The following NLGN1 variants were observed in gnomAD, a reference collection of about 807,000 sequenced individuals.
NLGN1 encodes neuroligin-1.
A neutral mutation model predicts 65.5 loss-of-function variants in NLGN1; 12 were observed. That is an observed-to-expected ratio of 0.18 (90% CI 0.12 to 0.30). The LOEUF (loss-of-function observed/expected upper bound fraction) is 0.30. Ranked by LOEUF, NLGN1 falls within the 10% of genes least tolerant of loss-of-function variation. The probability of loss-of-function intolerance (pLI) is 1.00; values close to 1 mark genes in which losing one functional copy is unlikely to be tolerated. For synonymous variants in NLGN1, 350 were observed against 359.5 expected (o/e 0.97, Z 0.30); for missense variants, 750 against 1,007.1 (o/e 0.74, Z 3.46).
chr3:173,423,552 G>A (rs1715526119), intron 1 of NLGN1, among the ~76,000 whole-genome samples: 1 of 152,082 alleles, frequency 6.6e-6, no homozygotes, highest in Admixed American at 6.6e-5. Context: ...AAAAAAAAGG[G>A]GACATAGGCC....
At chr3:174,141,002 A>C (rs1577067313) in intron 4 of NLGN1, among the ~76,000 whole-genome samples, 1 of 152,146 alleles carries the variant, frequency 6.6e-6, no homozygotes, top group Admixed American at 6.6e-5. Context: ...AAAGCCAAAT[A>C]GTGCAATTTC....
At chr3:174,188,878 G>A (rs1731883450) in intron 4 of NLGN1, among the ~76,000 whole-genome samples, 2 of 151,938 alleles carry the variant, frequency 1.3e-5, no homozygotes, top group African/African-American at 4.8e-5. Context: ...TATTTAAGAG[G>A]CAACAGGGTC....
chr3:173,964,132 T>G (rs1185484827), intron 4 of NLGN1, among the ~76,000 whole-genome samples: 1 of 152,038 alleles, frequency 6.6e-6, no homozygotes. Flanking sequence ...ACATCCTATG[T>G]GTGGAGAGAG....
chr3:173,706,344 A>C (rs1255658522), intron 3 of NLGN1, among the ~76,000 whole-genome samples: 1 of 152,264 alleles, frequency 6.6e-6, no homozygotes, highest in Admixed American at 6.5e-5. Context: ...AAAAATAATT[A>C]TGCATGATTA....
At chr3:174,083,779 A>T (rs1450465475) in intron 4 of NLGN1, among the ~76,000 whole-genome samples, 2 of 152,074 alleles carry the variant, frequency 1.3e-5, no homozygotes, top group African/African-American at 2.4e-5. Context: ...TTCCCTTATA[A>T]CCACAGCAAA....
intron 3 of NLGN1, among the ~76,000 whole-genome samples, chr3:173,768,712 A>C (rs1202304208): frequency 6.6e-6 from 1 of 152,190 alleles, no homozygotes; most frequent in Admixed American, 6.5e-5. Flanking sequence ...ATAAGTGTGA[A>C]GTTCCTAACG....
intron 4 of NLGN1, among the ~76,000 whole-genome samples, chr3:174,274,350 T>G (rs1211137235): frequency 1.3e-5 from 2 of 151,902 alleles, no homozygotes; most frequent in Non-Finnish European, 2.9e-5. Context: ...GTGAATATGT[T>G]TAAGATATTG....
intron 2 of NLGN1, among the ~76,000 whole-genome samples, chr3:173,585,404 G>A (rs1747223617): frequency 6.6e-6 from 1 of 152,114 alleles, no homozygotes; most frequent in Admixed American, 6.5e-5. Flanking sequence ...TGCTTCGGCC[G>A]CCGTTTCTGC....
intron 2 of NLGN1, among the ~76,000 whole-genome samples, chr3:173,526,439 T>C (rs935969878): frequency 1.3e-5 from 2 of 152,088 alleles, no homozygotes; most frequent in Non-Finnish European, 2.9e-5. Context: ...TCTTTTTCTA[T>C]CCCTTTGTAT....
At chr3:173,977,026 G>T (rs1717614908) in intron 4 of NLGN1, among the ~76,000 whole-genome samples, 1 of 151,918 alleles carries the variant, frequency 6.6e-6, no homozygotes, top group Non-Finnish European at 1.5e-5. Context: ...AAGTGCAGCA[G>T]ATAGAATTGT....
chr3:173,499,673 C>G (rs1256652707), intron 2 of NLGN1, among the ~76,000 whole-genome samples: 3 of 151,838 alleles, frequency 2.0e-5, no homozygotes, highest in Admixed American at 2.0e-4. Flanking sequence ...GATATTGTTT[C>G]TTCCTACCCA....
At chr3:173,664,469 C>A (rs976461093) in intron 3 of NLGN1, among the ~76,000 whole-genome samples, 4 of 152,068 alleles carry the variant, frequency 2.6e-5, no homozygotes, top group Admixed American at 6.6e-5. Flanking sequence ...AATATAGTCA[C>A]ATCATCTGTT....
chr3:173,787,121 T>C (rs1408765204), intron 3 of NLGN1, among the ~76,000 whole-genome samples: 1 of 152,052 alleles, frequency 6.6e-6, no homozygotes, highest in African/African-American at 2.4e-5. Context: ...ATTATTCCCT[T>C]ATAAGACTTG....
intron 2 of NLGN1, among the ~76,000 whole-genome samples, chr3:173,510,566 A>C (rs1338710480): frequency 6.6e-6 from 1 of 152,170 alleles, no homozygotes; most frequent in Non-Finnish European, 1.5e-5. Context: ...CAGATGTTGG[A>C]AATGTATTAA....
At chr3:174,103,035 C>A (rs1048894504) in intron 4 of NLGN1, among the ~76,000 whole-genome samples, 4 of 152,132 alleles carry the variant, frequency 2.6e-5, no homozygotes, top group African/African-American at 9.7e-5. Context: ...GAAATAAAAT[C>A]TCATATGGCA....
intron 4 of NLGN1, among the ~76,000 whole-genome samples, chr3:174,259,635 G>A (rs1278907370): frequency 6.6e-6 from 1 of 151,730 alleles, no homozygotes; most frequent in Non-Finnish European, 1.5e-5. Context: ...TCAATTCTAA[G>A]AAACTACCTA....
chr3:174,232,865 C>G (rs1361770374), intron 4 of NLGN1, among the ~76,000 whole-genome samples: 1 of 152,164 alleles, frequency 6.6e-6, no homozygotes, highest in Non-Finnish European at 1.5e-5. Flanking sequence ...AAGGAACAAG[C>G]CTGCATTAAT....
chr3:174,184,534 A>G (rs10446288), intron 4 of NLGN1, among the ~76,000 whole-genome samples: 14,604 of 152,186 alleles, frequency 0.096, 899 homozygotes, highest in Non-Finnish European at 0.14. Context: ...AGTGCCTACC[A>G]GGTTATAAGT....
chr3:173,775,232 A>G (rs1487843008), intron 3 of NLGN1, among the ~76,000 whole-genome samples: 3 of 152,162 alleles, frequency 2.0e-5, no homozygotes. Context: ...TTAATTTTTT[A>G]AATGCAATCC....
Sources: allele counts gnomAD v4.1 joint callset (sites outside exome capture counted in the v4.1 genomes callset), GRCh38; gene constraint gnomAD v4.1.1; transcripts MANE v1.5; gene names NCBI Gene and HGNC (gene_info 2026-07-23, HGNC 2026-07-21).